KIF13B: variants seen among roughly 807,000 people sequenced by gnomAD.
The protein encoded by KIF13B is kinesin family member 13B.
KIF13B carries 127 observed loss-of-function variants against 222.0 expected under a neutral mutation model. The observed-to-expected ratio is 0.57, with a 90% CI of 0.50 to 0.66. The LOEUF (loss-of-function observed/expected upper bound fraction) is 0.66. KIF13B is among the 30% of genes least tolerant of loss of function. The pLI, the probability that KIF13B is intolerant of heterozygous loss-of-function variation, is 0.00. For missense variants in KIF13B, 2,173 were observed against 2,379.0 expected, an observed-to-expected ratio of 0.91 and a Z score of 1.80; for synonymous variants, 976 against 919.0, an observed-to-expected ratio of 1.06 and a Z score of -1.12.
At chr8:29,262,941 C>G in intron 1 of KIF13B, 39 bp downstream of exon 1, 1 of 1,522,508 alleles carries the variant, frequency 6.6e-7, no homozygotes, top group Non-Finnish European at 8.8e-7. Context: ...AGGCACCTGC[C>G]GCCTCCGCCC....
intron 38 of KIF13B, 84 bp from the exon 39 acceptor site, chr8:29,072,400 C>CCT (rs1807340754): frequency 1.0e-6 from 1 of 953,002 alleles, no homozygotes; most frequent in Admixed American, 4.2e-5. Flanking sequence ...TGGAAAAGAG[C>CCT]ATGAGGCCAG....
At chr8:29,211,622 G>T (rs1814230559) in intron 2 of KIF13B, among the ~76,000 whole-genome samples, 1 of 152,208 alleles carries the variant, frequency 6.6e-6, no homozygotes, top group Admixed American at 6.5e-5. Context: ...CATGCAGGAG[G>T]TGAGACTCCA....
At chr8:29,200,024 G>C (rs1190379581) in intron 2 of KIF13B, among the ~76,000 whole-genome samples, 1 of 152,068 alleles carries the variant, frequency 6.6e-6, no homozygotes, top group Non-Finnish European at 1.5e-5. Context: ...CAAACAACAA[G>C]TATGAAATTC....
At chr8:29,241,291 A>C (rs1463333067) in intron 2 of KIF13B, among the ~76,000 whole-genome samples, 1 of 152,222 alleles carries the variant, frequency 6.6e-6, no homozygotes, top group East Asian at 1.9e-4. Flanking sequence ...TGGTGATAAA[A>C]ATGATGTACA....
At position 29,099,139 on chromosome 8, in the gene KIF13B, C is replaced by T; in HGVS notation, c.4318G>A (p.Asp1440Asn). 2 of 1,608,710 alleles carry T rather than the reference C, an allele frequency of 1.2e-6. No individual in the cohort carries two copies. Among genetic ancestry groups the T allele is most frequent in the South Asian group, 1.1e-5 (1 of 90,988 alleles). Reference sequence around the variant, plus strand: ...AAGTGAAAAGATAACTTACCTGGATCTGGAGAATGGTTATTTTGGGGAGAA... The same window carrying T: ...AAGTGAAAAGATAACTTACCTGGATTTGGAGAATGGTTATTTTGGGGAGAA... ...SVSPQNNHSP[D>N]PGLSNLAASY... Residue 1440 changes from aspartate to asparagine, a missense_variant, in exon 36 of 40, where the codon GAT becomes AAT. This residue lies in a region of KIF13B where 693 missense variants were observed against 656.2 expected (regional missense o/e 1.06). Transcript: ENST00000524189.
chr8:29,251,339 T>G (rs916521401), intron 1 of KIF13B, among the ~76,000 whole-genome samples: 4 of 152,120 alleles, frequency 2.6e-5, no homozygotes, highest in African/African-American at 9.7e-5. Context: ...AGCACTAAAG[T>G]GTACCCGTGT....
chr8:29,134,111 G>C lies in KIF13B; in HGVS notation c.2713C>G (p.Pro905Ala). The change falls in exon 22 of 40, where the codon CCT (proline) becomes GCT (alanine). Residue 905 changes from proline to alanine, a missense_variant. Physicochemically the swap from Pro to Ala is conservative, Grantham distance 27. Coordinates refer to ENST00000524189, the MANE Select transcript of KIF13B (RefSeq NM_015254.4). Reference sequence around the variant, plus strand: ...GAAGAGGAGGAGGTGTCCACTTCAGGAGCGACAATCACCGGCTCCTGTTGA... The same window carrying C: ...GAAGAGGAGGAGGTGTCCACTTCAGCAGCGACAATCACCGGCTCCTGTTGA... ...WDQQEPVIVA[P>A]EVDTSSSSVS... The C allele has an allele frequency of 1.2e-6, 2 of 1,613,988 alleles. No homozygotes were observed. The highest frequency in any genetic ancestry group is 1.7e-6 in the Non-Finnish European group (2 of 1,179,886).
Position 29,205,679 on chromosome 8 carries a change from T to C in KIF13B, c.150-9480A>G, listed in dbSNP as rs1167517864. The stretch of plus-strand genomic sequence containing the variant: ...ATTCAAATGTCCCTCGCAGCAGTAA[T>C]GTCATTAGAATTAATAGCTATGAAA... On this transcript the variant is annotated intron_variant, in intron 2 of 39. Coordinates refer to ENST00000524189, the MANE Select transcript of KIF13B (RefSeq NM_015254.4). Among the ~76,000 whole-genome samples the C allele has an allele frequency of 3.9e-5, 6 of 152,314 alleles. No individual in the cohort carries two copies. In the South Asian group the frequency reaches 6.2e-4, roughly 16 times the overall value.
At chr8:29,155,699 A>G (rs753857219) in intron 14 of KIF13B, 27 bp downstream of exon 14, 44 of 1,590,178 alleles carry the variant, frequency 2.8e-5, no homozygotes, top group Non-Finnish European at 3.5e-5. Context: ...AACTCTTGTG[A>G]TATGAACACT....
intron 37 of KIF13B, 130 bp from the exon 38 acceptor site, chr8:29,075,473 G>C: frequency 1.3e-6 from 1 of 742,558 alleles, no homozygotes; most frequent in East Asian, 2.8e-5. Flanking sequence ...GCGAGTGTGA[G>C]GGGCTCCACA....
At chr8:29,252,818 G>A (rs1816333852) in intron 1 of KIF13B, among the ~76,000 whole-genome samples, 2 of 152,012 alleles carry the variant, frequency 1.3e-5, no homozygotes, top group Admixed American at 1.3e-4. Flanking sequence ...AGTTACTTGG[G>A]ACCCCCTTTT....
intron 10 of KIF13B, among the ~76,000 whole-genome samples, chr8:29,173,622 A>G (rs898312418): frequency 2.4e-5 from 3 of 123,720 alleles, no homozygotes; most frequent in Non-Finnish European, 5.9e-5. Context: ...CCTGTCTCCA[A>G]AAAAAAAAAG....
At chr8:29,246,002 G>A (rs888451856) in intron 1 of KIF13B, among the ~76,000 whole-genome samples, 3 of 152,234 alleles carry the variant, frequency 2.0e-5, no homozygotes, top group East Asian at 1.9e-4. Context: ...TGAAAATTCC[G>A]AAACACCGTT....
chr8:29,216,020 C>T (rs373661381), intron 2 of KIF13B, among the ~76,000 whole-genome samples: 12 of 152,054 alleles, frequency 7.9e-5, no homozygotes, highest in South Asian at 2.1e-4. Flanking sequence ...TCTTTCCCAG[C>T]GGAGATGAAG....
intron 14 of KIF13B, among the ~76,000 whole-genome samples, chr8:29,153,907 T>C (rs959214444): frequency 6.6e-6 from 1 of 152,128 alleles, no homozygotes; most frequent in African/African-American, 2.4e-5. Flanking sequence ...TGTAAAGCTA[T>C]GGAGCATTTA....
At chr8:29,236,786 T>C (rs1302436280) in intron 2 of KIF13B, among the ~76,000 whole-genome samples, 1 of 152,202 alleles carries the variant, frequency 6.6e-6, no homozygotes, top group Non-Finnish European at 1.5e-5. Flanking sequence ...CGCTTTTCTT[T>C]GTAAAAGAAA....
At position 29,149,104 on chromosome 8, in the gene KIF13B, G is replaced by A. The variant is rs189616572; in HGVS notation, c.1623-337C>T. ...CGGATAAGGAGAAAGCAGGACAGAG[G>A]GAACAGTGTGGGAAAAGATGTGAAA... On this transcript the variant is annotated intron_variant, in intron 15 of 39. Coordinates refer to ENST00000524189, the MANE Select transcript of KIF13B (RefSeq NM_015254.4). Among the ~76,000 whole-genome samples, 340 of 152,268 alleles carry A rather than the reference G, an allele frequency of 2.2e-3. 2 individuals carry two copies. The highest frequency in any genetic ancestry group is 4.2e-3 in the Non-Finnish European group (286 of 68,028).
chr8:29,151,539 C>T (rs1811297558), intron 14 of KIF13B, among the ~76,000 whole-genome samples: 1 of 152,230 alleles, frequency 6.6e-6, no homozygotes, highest in African/African-American at 2.4e-5. Context: ...GATGCCAATG[C>T]TTACTGACCA....
intron 4 of KIF13B, chr8:29,190,723 G>A (rs1184773563): frequency 7.2e-6 from 3 of 413,902 alleles, no homozygotes; most frequent in African/African-American, 6.2e-5. Context: ...GTGGGACTGA[G>A]CCCTCAGTCT....
Sources: allele counts gnomAD v4.1 joint callset (sites outside exome capture counted in the v4.1 genomes callset), GRCh38; gene constraint gnomAD v4.1.1; regional missense constraint gnomAD v4.1.1; transcripts MANE v1.5; gene names NCBI Gene and HGNC (gene_info 2026-07-23, HGNC 2026-07-21).